SLTM: variants seen among roughly 807,000 people sequenced by gnomAD.
SLTM encodes SAFB-like transcription modulator.
In SLTM, 43 loss-of-function variants were observed where a neutral mutation model predicts 134.6. That is an observed-to-expected ratio of 0.32 (90% CI 0.25 to 0.41). SLTM has a LOEUF of 0.41. Among genes scored for constraint, SLTM ranks in the 10% least tolerant of loss-of-function variants. The probability of loss-of-function intolerance (pLI) is 1.00; values close to 1 mark genes in which losing one functional copy is unlikely to be tolerated. For missense variants in SLTM, 1,055 were observed against 1,288.8 expected (o/e 0.82, Z 2.78); for synonymous variants, 424 against 432.3 (o/e 0.98, Z 0.24).
intron 17 of SLTM, among the ~76,000 whole-genome samples, chr15:58,887,941 A>C (rs753216157): frequency 2.4e-4 from 37 of 152,332 alleles, no homozygotes; most frequent in Non-Finnish European, 4.6e-4. Flanking sequence ...ACTTCAGGTC[A>C]GAAGTGCTAG....
At chr15:58,924,038 C>T (rs1293656558) in intron 2 of SLTM, among the ~76,000 whole-genome samples, 2 of 152,080 alleles carry the variant, frequency 1.3e-5, no homozygotes, top group Non-Finnish European at 2.9e-5. Flanking sequence ...TGGTCTCGAA[C>T]TCCTGGCCTC....
In SLTM at chr15:58,891,051, A is replaced by C. The variant is rs1211189332; in HGVS notation, c.1899-590T>G. Among the ~76,000 whole-genome samples the C allele has an allele frequency of 2.0e-5, 3 of 152,138 alleles. No individual in the cohort carries two copies. In the East Asian group the frequency reaches 5.8e-4, roughly 29 times the overall value. Reference sequence around the variant, plus strand: ...GTAGTTCAATTGTTCACTGAACTGAATTGTTATTGTATTAGACTTTTAATG... The same window carrying C: ...GTAGTTCAATTGTTCACTGAACTGACTTGTTATTGTATTAGACTTTTAATG... On this transcript the variant is annotated intron_variant, in intron 14 of 20. Transcript: ENST00000380516.
intron 8 of SLTM, chr15:58,897,564 T>C (rs1285430055): frequency 2.3e-5 from 4 of 170,738 alleles, no homozygotes; most frequent in African/African-American, 9.5e-5. Context: ...CATTTAGGAA[T>C]GAACAGACTG....
intron 20 of SLTM, chr15:58,883,381 C>A: frequency 2.0e-6 from 1 of 499,718 alleles, no homozygotes; most frequent in Non-Finnish European, 3.6e-6. Flanking sequence ...ACGTACATAC[C>A]CATATCTATA....
chr15:58,923,681 C>T (rs1171416521), intron 2 of SLTM, among the ~76,000 whole-genome samples: 1 of 151,716 alleles, frequency 6.6e-6, no homozygotes, highest in African/African-American at 2.4e-5. Context: ...AGCAAATCAA[C>T]TAAATAGTTT....
At chr15:58,896,552 C>T (rs1380283311) in intron 9 of SLTM, among the ~76,000 whole-genome samples, 1 of 151,542 alleles carries the variant, frequency 6.6e-6, no homozygotes, top group African/African-American at 2.4e-5. Context: ...CACAGTGAGA[C>T]TGTGTCTCAA....
chr15:58,893,400 A>G (rs1222020731), intron 12 of SLTM, 36 bp from the exon 13 acceptor site: 2 of 1,449,336 alleles, frequency 1.4e-6, no homozygotes, highest in Non-Finnish European at 1.9e-6. Context: ...AATGTCTAAA[A>G]TTTTTCATTG....
intron 16 of SLTM, 189 bp downstream of exon 16, chr15:58,889,241 G>T: frequency 1.8e-6 from 1 of 566,076 alleles, no homozygotes; most frequent in Non-Finnish European, 3.0e-6. Flanking sequence ...AAGGTAGACA[G>T]GGAAAGAAAC....
chr15:58,933,171 T>C (rs992579930), intron 1 of SLTM, among the ~76,000 whole-genome samples: 7 of 151,616 alleles, frequency 4.6e-5, no homozygotes, highest in Admixed American at 1.3e-4. Context: ...GGAGGCACGC[T>C]GGGCTGCGGT....
rs772775804 is a variant in SLTM at position 58,887,424 on chromosome 15, G to A, written c.2492C>T (p.Pro831Leu). The change falls in exon 18 of 21, where the codon CCT (proline) becomes CTT (leucine). Residue 831 changes from proline to leucine, a missense_variant. Physicochemically the swap from Pro to Leu is moderately conservative, Grantham distance 98 (BLOSUM62 -3). Coordinates refer to ENST00000380516, the MANE Select transcript of SLTM (RefSeq NM_024755.4). ...TCTAAGTTCATTTCTTGGTGGTGGA[G>A]GCTCATTTCTTCTGGAGTCACTGAA... ...KNFSDSRRNEPPPPRNELRES... is the reference protein window; with the variant it reads ...KNFSDSRRNELPPPRNELRES... 6.2e-7 allele frequency: 1 copy of A among 1,614,010 alleles called. No individual in the cohort carries two copies. The highest frequency in any genetic ancestry group is 1.1e-5 in the South Asian group (1 of 91,070).
chr15:58,896,773 T>C (rs2035112104), intron 9 of SLTM, among the ~76,000 whole-genome samples: 1 of 152,130 alleles, frequency 6.6e-6, no homozygotes. Flanking sequence ...AGTCTAAATA[T>C]AAATGTATTT....
At chr15:58,912,146 C>T (rs2036318240) in intron 5 of SLTM, among the ~76,000 whole-genome samples, 1 of 149,810 alleles carries the variant, frequency 6.7e-6, no homozygotes. Context: ...GTCGCCCAGG[C>T]TGGAGTGCAG....
intron 5 of SLTM, among the ~76,000 whole-genome samples, chr15:58,910,025 T>C (rs953205): frequency 0.022 from 3,357 of 152,256 alleles, 122 homozygotes; most frequent in African/African-American, 0.077. Flanking sequence ...CAGCATATAA[T>C]AGAGAAAAAT....
Position 58,882,457 on chromosome 15 carries a change from T to C in SLTM, c.2996+1169A>G, listed in dbSNP as rs552489187. ...TAAAGCTTAGCCACGGGAAGGAGCC[T>C]GCAAAGGCAGTCACAAAGGCAGAAA... On this transcript the variant is annotated intron_variant, in intron 20 of 20. Coordinates refer to ENST00000380516, the MANE Select transcript of SLTM (RefSeq NM_024755.4). Among the ~76,000 whole-genome samples, 11 of 152,228 alleles carry C rather than the reference T, an allele frequency of 7.2e-5. No individual in the cohort carries two copies. In the East Asian group the frequency reaches 2.1e-3, roughly 29 times the overall value.
intron 7 of SLTM, 57 bp from the exon 8 acceptor site, chr15:58,898,909 A>T (rs535672667): frequency 8.0e-7 from 1 of 1,250,376 alleles, no homozygotes; most frequent in South Asian, 1.3e-5. Context: ...CAAACCCAAA[A>T]CAGAACAGCT....
chr15:58,911,400 G>A (rs549223022), intron 5 of SLTM, among the ~76,000 whole-genome samples: 80 of 152,128 alleles, frequency 5.3e-4, no homozygotes, highest in African/African-American at 1.3e-3. Flanking sequence ...GTAAACAAAG[G>A]AACCCATATC....
At chr15:58,914,223 G>A (rs936039823) in intron 3 of SLTM, among the ~76,000 whole-genome samples, 15 of 152,216 alleles carry the variant, frequency 9.9e-5, no homozygotes, top group African/African-American at 2.9e-4. Context: ...AACATAGGTT[G>A]GGATTGGATC....
intron 20 of SLTM, among the ~76,000 whole-genome samples, chr15:58,882,192 A>AAAAAAAAAAAAAC (rs1567096524): frequency 2.7e-5 from 4 of 150,026 alleles, no homozygotes; most frequent in Non-Finnish European, 5.9e-5. Flanking sequence ...AAAAAAAAAA[A>AAAAAAAAAAAAAC]ACCACACTTA....
intron 20 of SLTM, 129 bp downstream of exon 20, chr15:58,883,497 C>T (rs879246260): frequency 1.7e-6 from 2 of 1,209,386 alleles, no homozygotes; most frequent in East Asian, 2.4e-5. Context: ...CGGGTTGATA[C>T]AGGGAAATGT....
Sources: allele counts gnomAD v4.1 joint callset (sites outside exome capture counted in the v4.1 genomes callset), GRCh38; gene constraint gnomAD v4.1.1; transcripts MANE v1.5; gene names NCBI Gene and HGNC (gene_info 2026-07-23, HGNC 2026-07-21).